The following RASGEF1B variants were observed in gnomAD, a reference collection of about 807,000 sequenced individuals.
RASGEF1B encodes the protein RasGEF domain family member 1B.
RASGEF1B carries 30 observed loss-of-function variants against 65.7 expected under a neutral mutation model. The observed-to-expected ratio is 0.46, with a 90% confidence interval of 0.34 to 0.62. The LOEUF (loss-of-function observed/expected upper bound fraction) is 0.62. RASGEF1B is among the 20% of genes least tolerant of loss of function. The probability of loss-of-function intolerance (pLI) is 0.01; values close to 1 mark genes in which losing one functional copy is unlikely to be tolerated. For synonymous variants in RASGEF1B, 175 were observed against 194.8 expected (o/e 0.90, Z 0.85); for missense variants, 495 against 580.1 (o/e 0.85, Z 1.51).
intron 1 of RASGEF1B, among the ~76,000 whole-genome samples, chr4:81,467,526 A>G (rs569685193): frequency 5.5e-4 from 83 of 152,242 alleles, no homozygotes; most frequent in Non-Finnish European, 9.7e-4. Context: ...TACATTCTTT[A>G]TGCATTAACT....
intron 13 of RASGEF1B, 30 bp downstream of exon 13, chr4:81,432,269 T>A (rs1202592905): frequency 6.8e-7 from 1 of 1,472,302 alleles, no homozygotes; most frequent in Non-Finnish European, 9.5e-7. Flanking sequence ...TCCTTCAGAC[T>A]TGTGCAGCAA....
chr4:81,447,929 A>T, intron 5 of RASGEF1B, 140 bp downstream of exon 5: 1 of 682,892 alleles, frequency 1.5e-6, no homozygotes. Flanking sequence ...TAAACAAAGT[A>T]TGTTTCAGCT....
chr4:81,440,752 C>T (rs1721804487), intron 10 of RASGEF1B, 82 bp downstream of exon 10: 1 of 850,568 alleles, frequency 1.2e-6, no homozygotes, highest in African/African-American at 1.7e-5. Flanking sequence ...AGTAAAAAAA[C>T]TTCAGTGTCG....
intron 4 of RASGEF1B, 144 bp downstream of exon 4, chr4:81,456,503 CTAAA>C (rs1326478390): frequency 9.8e-6 from 8 of 814,650 alleles, no homozygotes; most frequent in African/African-American, 3.3e-5. Context: ...ACTTGACATA[CTAAA>C]TAGACCAATA....
At chr4:81,434,813 C>T (rs1578612401) in intron 10 of RASGEF1B, 79 bp from the exon 11 acceptor site, 2 of 734,518 alleles carry the variant, frequency 2.7e-6, no homozygotes, top group Middle Eastern at 4.6e-4. Flanking sequence ...GATTAATGAA[C>T]AACATTAACT....
At chr4:81,466,547 C>T (rs932855402) in intron 1 of RASGEF1B, among the ~76,000 whole-genome samples, 2 of 152,018 alleles carry the variant, frequency 1.3e-5, no homozygotes, top group African/African-American at 4.8e-5. Context: ...ATCACAAAGT[C>T]AGCAGATCGA....
At chr4:81,432,434 C>T in intron 12 of RASGEF1B, 63 bp from the exon 13 acceptor site, 1 of 1,050,458 alleles carries the variant, frequency 9.5e-7, no homozygotes, top group South Asian at 1.3e-5. Flanking sequence ...TTATCTACCA[C>T]CACCCTTGTT....
chr4:81,446,887 G>A (rs1340411008), intron 6 of RASGEF1B, among the ~76,000 whole-genome samples: 3 of 152,232 alleles, frequency 2.0e-5, no homozygotes, highest in African/African-American at 2.4e-5. Context: ...ACTCTCAGAA[G>A]GGGGCTTTCA....
intron 1 of RASGEF1B, among the ~76,000 whole-genome samples, chr4:81,467,675 A>T (rs571997544): frequency 6.6e-6 from 1 of 152,314 alleles, no homozygotes; most frequent in African/African-American, 2.4e-5. Context: ...TTATGGGGAA[A>T]ATATATTGAG....
chr4:81,440,726 C>G, intron 10 of RASGEF1B, 108 bp downstream of exon 10: 2 of 681,864 alleles, frequency 2.9e-6, no homozygotes, highest in Non-Finnish European at 5.1e-6. Context: ...ACATGTCTCT[C>G]TCTTAAATCT....
At chr4:81,470,636 G>A (rs1722989578) in intron 1 of RASGEF1B, among the ~76,000 whole-genome samples, 1 of 152,182 alleles carries the variant, frequency 6.6e-6, no homozygotes, top group Admixed American at 6.5e-5. Flanking sequence ...CCTTGGAGAC[G>A]CGTTCGGCCC....
intron 2 of RASGEF1B, 114 bp from the exon 3 acceptor site, chr4:81,457,735 T>G: frequency 8.5e-7 from 1 of 1,182,626 alleles, no homozygotes; most frequent in Non-Finnish European, 1.2e-6. Flanking sequence ...ATGCTGCAGT[T>G]TCAAAAGTAA....
intron 1 of RASGEF1B, among the ~76,000 whole-genome samples, chr4:81,463,205 T>G (rs1343280495): frequency 2.6e-5 from 4 of 152,330 alleles, no homozygotes; most frequent in Non-Finnish European, 5.9e-5. Flanking sequence ...TACCATTAAT[T>G]ACTCTTATTA....
intron 1 of RASGEF1B, among the ~76,000 whole-genome samples, chr4:81,464,469 G>C (rs1427725197): frequency 6.6e-6 from 1 of 152,184 alleles, no homozygotes; most frequent in East Asian, 1.9e-4. Flanking sequence ...ATAAAGCAGA[G>C]AGCAGGTTAA....
chr4:81,431,536 T>A (rs1218921205), intron 13 of RASGEF1B, among the ~76,000 whole-genome samples: 4 of 152,030 alleles, frequency 2.6e-5, no homozygotes, highest in African/African-American at 9.7e-5. Flanking sequence ...ACCAAGTATA[T>A]CTTAGATATC....
At chr4:81,470,992 A>G (rs1316405219) in intron 1 of RASGEF1B, 1 of 152,132 alleles carries the variant, frequency 6.6e-6, no homozygotes, top group Non-Finnish European at 1.5e-5. Flanking sequence ...ACCTCCCTTA[A>G]GCTGACTGCC....
chr4:81,431,767 C>T (rs1338409695), intron 13 of RASGEF1B, among the ~76,000 whole-genome samples: 1 of 151,982 alleles, frequency 6.6e-6, no homozygotes, highest in Non-Finnish European at 1.5e-5. Context: ...CAAATTTAAC[C>T]CTATTCTAGT....
At chr4:81,463,834 G>C (rs548863555) in intron 1 of RASGEF1B, among the ~76,000 whole-genome samples, 7 of 152,232 alleles carry the variant, frequency 4.6e-5, no homozygotes, top group Non-Finnish European at 1.0e-4. Context: ...AACTGCTTCA[G>C]TTCTGGAATT....
At chr4:81,450,319 A>G (rs1477284499) in intron 4 of RASGEF1B, among the ~76,000 whole-genome samples, 1 of 152,086 alleles carries the variant, frequency 6.6e-6, no homozygotes, top group African/African-American at 2.4e-5. Context: ...GGAGATCGAG[A>G]CAACATAGTG....
Sources: allele counts gnomAD v4.1 joint callset (sites outside exome capture counted in the v4.1 genomes callset), GRCh38; gene constraint gnomAD v4.1.1; transcripts MANE v1.5; gene names NCBI Gene and HGNC (gene_info 2026-07-23, HGNC 2026-07-21).